The following LRTM3 variants were observed in gnomAD, a reference collection of about 807,000 sequenced individuals.
LRTM3 encodes the protein leucine-rich repeat transmembrane protein 3.
chr13:102,758,647 T>A, the LRTM3 span: 44 of 1,513,360 alleles, frequency 2.9e-5, no homozygotes, highest in Non-Finnish European at 3.3e-5. Context: ...TACAAATTAT[T>A]CTTATGTCTG....
the LRTM3 span, chr13:102,747,825 C>A: frequency 6.4e-7 from 1 of 1,551,204 alleles, no homozygotes; most frequent in Admixed American, 2.0e-5. Context: ...TGTGGTTGGA[C>A]TTCTTGCTCT....
chr13:102,757,362 AC>A, the LRTM3 span, among the ~76,000 whole-genome samples: 34 of 152,220 alleles, frequency 2.2e-4, no homozygotes, highest in African/African-American at 8.0e-4. Context: ...CCTCTGATTC[AC>A]ACAGTGACTA....
chr13:102,736,808 A>T, the LRTM3 span: 3,218 of 1,551,084 alleles, frequency 2.1e-3, 65 homozygotes, highest in East Asian at 0.056. Context: ...GATCTGGGCC[A>T]TGTATTTTGT....
chr13:102,738,356 C>G, the LRTM3 span: 1 of 1,550,824 alleles, frequency 6.4e-7, no homozygotes, highest in South Asian at 1.2e-5. Context: ...AAGATAGTAT[C>G]TTGTTATTTC....
At chr13:102,732,344 C>T in the LRTM3 span, 7 of 1,551,218 alleles carry the variant, frequency 4.5e-6, no homozygotes, top group South Asian at 7.1e-5. Context: ...CTTTCTATTG[C>T]TTGGTGTACC....
chr13:102,743,035 A>C, the LRTM3 span: 1 of 1,548,780 alleles, frequency 6.5e-7, no homozygotes, highest in Non-Finnish European at 8.7e-7. Flanking sequence ...TTGAGAAAAA[A>C]GTTTCTCCCA....
chr13:102,732,260 C>T, the LRTM3 span: 5 of 1,551,318 alleles, frequency 3.2e-6, no homozygotes, highest in Admixed American at 5.9e-5. Flanking sequence ...AATAGAAAGA[C>T]TTCTGATAAA....
At chr13:102,744,587 A>C in the LRTM3 span, 1 of 1,550,564 alleles carries the variant, frequency 6.4e-7, no homozygotes, top group Non-Finnish European at 8.7e-7. Context: ...TTTTTGCACT[A>C]TGTGAGACAA....
the LRTM3 span, chr13:102,737,782 G>C: frequency 1.3e-5 from 20 of 1,550,398 alleles, 1 homozygote; most frequent in South Asian, 2.4e-4. Flanking sequence ...ATGATTTCTG[G>C]TGCCTTGGTT....
the LRTM3 span, chr13:102,735,877 C>T: frequency 8.3e-5 from 128 of 1,539,370 alleles, no homozygotes; most frequent in Non-Finnish European, 8.0e-5. Context: ...CAGATTTCCT[C>T]GGAACCACTC....
At chr13:102,748,288 T>C in the LRTM3 span, 1 of 1,551,108 alleles carries the variant, frequency 6.4e-7, no homozygotes, top group Non-Finnish European at 8.7e-7. Context: ...TAAGTATCAA[T>C]GGTTTACTTT....
chr13:102,739,618 A>T, the LRTM3 span: 1 of 1,550,518 alleles, frequency 6.4e-7, no homozygotes, highest in South Asian at 1.2e-5. Context: ...ATTCCTTTAT[A>T]CTGAGTATAT....
the LRTM3 span, chr13:102,735,349 T>C: frequency 2.5e-5 from 39 of 1,551,206 alleles, no homozygotes; most frequent in South Asian, 1.5e-4. Flanking sequence ...CTGGACATGC[T>C]ATTCTCCCTG....
the LRTM3 span, chr13:102,749,784 A>C: frequency 6.4e-7 from 1 of 1,551,340 alleles, no homozygotes; most frequent in Non-Finnish European, 8.7e-7. Context: ...TGATTCTGAA[A>C]AGCATTTTGT....
the LRTM3 span, chr13:102,729,989 A>G: frequency 1.3e-6 from 2 of 1,551,632 alleles, no homozygotes; most frequent in South Asian, 1.2e-5. Flanking sequence ...AGTCCATGAA[A>G]TCTTCTCTTC....
At chr13:102,747,701 C>T in the LRTM3 span, 2 of 1,551,034 alleles carry the variant, frequency 1.3e-6, no homozygotes, top group African/African-American at 2.7e-5. Context: ...CTTTGGATCT[C>T]CGGCACTCTC....
the LRTM3 span, chr13:102,733,977 T>C: frequency 6.4e-7 from 1 of 1,551,262 alleles, no homozygotes; most frequent in African/African-American, 1.4e-5. Context: ...ATTCCTGGAG[T>C]GTCTTTGTCT....
the LRTM3 span, chr13:102,730,288 A>AT: frequency 9.7e-6 from 15 of 1,551,440 alleles, no homozygotes; most frequent in Non-Finnish European, 1.2e-5. Flanking sequence ...CCTGACTTAA[A>AT]TAAGAGTTGG....
chr13:102,736,692 G>C, the LRTM3 span: 2 of 1,550,362 alleles, frequency 1.3e-6, no homozygotes, highest in African/African-American at 2.7e-5. Flanking sequence ...TTCACCTGCA[G>C]TTCCTTTGTT....
Sources: allele counts gnomAD v4.1 joint callset (sites outside exome capture counted in the v4.1 genomes callset), GRCh38; gene constraint gnomAD v4.1.1; transcripts MANE v1.5; gene names NCBI Gene and HGNC (gene_info 2026-07-23, HGNC 2026-07-21).